CACNG8: variants seen among roughly 807,000 people sequenced by gnomAD.
The protein encoded by CACNG8 is calcium voltage-gated channel auxiliary subunit gamma 8.
Under a neutral mutation model 26.9 loss-of-function variants are expected in CACNG8, and 5 were observed. The ratio of observed to expected loss-of-function variants is 0.19; its 90% confidence interval spans 0.10 to 0.39. The LOEUF is 0.39. Among genes scored for constraint, CACNG8 ranks in the 10% least tolerant of loss-of-function variants. CACNG8 has a pLI of 1.00. For synonymous variants in CACNG8, 321 were observed against 296.7 expected (o/e 1.08, Z -0.84); for missense variants, 473 against 609.4 (o/e 0.78, Z 2.36).
intron 3 of CACNG8, 78 bp downstream of exon 3, chr19:53,980,085 T>TGCGC (rs1555815539): frequency 1.0e-4 from 106 of 1,012,126 alleles, no homozygotes; most frequent in African/African-American, 4.2e-4. Context: ...TGTGTGTGTG[T>TGCGC]GCGCGCGCGC....
At chr19:53,980,975 G>A (rs1313244342) in intron 3 of CACNG8, among the ~76,000 whole-genome samples, 1 of 152,044 alleles carries the variant, frequency 6.6e-6, no homozygotes, top group East Asian at 1.9e-4. Context: ...AAAGGCCGGA[G>A]TAGCTGGACC....
chr19:53,965,776 G>A (rs954718918), intron 1 of CACNG8, among the ~76,000 whole-genome samples: 4 of 151,484 alleles, frequency 2.6e-5, no homozygotes, highest in Non-Finnish European at 5.9e-5. Flanking sequence ...AGGACAAGGA[G>A]TTGGGGGAGG....
Position 53,963,239 on chromosome 19 carries a change from G to T in CACNG8, c.97G>T (p.Gly33Cys). Residue 33 changes from glycine (G) to cysteine (C), a missense_variant, in exon 1 of 4, where the codon GGC becomes TGC. Physicochemically the swap from Gly to Cys is radical, Grantham distance 159. Coordinates refer to ENST00000270458, the MANE Select transcript of CACNG8 (RefSeq NM_031895.6). The stretch of plus-strand genomic sequence containing the variant: ...GACGGTGGGCGCCTTCGCCGCCTTC[G>T]GCCTCATGACCATCGCCATCAGCAC... 1 of 1,609,382 alleles carries T rather than the reference G, an allele frequency of 6.2e-7. No individual in the cohort carries two copies.
chr19:53,980,633 A>G (rs1358483680), intron 3 of CACNG8, among the ~76,000 whole-genome samples: 1 of 152,110 alleles, frequency 6.6e-6, no homozygotes, highest in Admixed American at 6.5e-5. Context: ...GGAAAAGCCA[A>G]AGGGGGAGGG....
chr19:53,982,545 CCGG>C lies in CACNG8; in HGVS notation c.992_994del (p.Gly331del), dbSNP rs769981108. On this transcript the variant is annotated inframe_deletion, in exon 4 of 4. Transcript: ENST00000270458. The surrounding 1 kb of genome is among the most constrained non-coding windows in gnomAD (Gnocchi z 8.4). Reference sequence around the variant, plus strand: ...AGCGTGGCCGCGGGGCTGGCGGGGGCCGGCGGCGGCGGCGGCGGCGCCGTGGGG... The same window carrying C: ...AGCGTGGCCGCGGGGCTGGCGGGGGCCGGCGGCGGCGGCGGCGCCGTGGGG... The C allele has an allele frequency of 4.2e-4, 503 of 1,211,642 alleles. No individual in the cohort carries two copies. Among genetic ancestry groups the C allele is most frequent in the East Asian group, 9.5e-4 (28 of 29,542 alleles). 75.1% of individuals were successfully genotyped at this position (1,211,642 alleles called of 1,614,324 possible).
At chr19:53,973,273 G>A (rs2069312663) in intron 1 of CACNG8, among the ~76,000 whole-genome samples, 1 of 152,218 alleles carries the variant, frequency 6.6e-6, no homozygotes, top group Non-Finnish European at 1.5e-5. Context: ...TGTAATCCCA[G>A]CACTTTGGGA....
chr19:53,965,008 C>T lies in CACNG8; in HGVS notation c.283+1583C>T, dbSNP rs142617235. ...CTGAGTGTTCACGACAAGCCGGGAA[C>T]GTTATCTCGTTTAATCCTATGAGGT... On this transcript the variant is annotated intron_variant, in intron 1 of 3. Coordinates refer to ENST00000270458, the MANE Select transcript of CACNG8 (RefSeq NM_031895.6). Among the ~76,000 whole-genome samples, 53 of 152,256 alleles carry T rather than the reference C, an allele frequency of 3.5e-4. 1 individual carries two copies. Among genetic ancestry groups the T allele is most frequent in the East Asian group, 2.9e-3 (15 of 5,178 alleles).
At chr19:53,980,929 G>C (rs988812599) in intron 3 of CACNG8, among the ~76,000 whole-genome samples, 1 of 152,174 alleles carries the variant, frequency 6.6e-6, no homozygotes, top group African/African-American at 2.4e-5. Flanking sequence ...TTGGGGATGG[G>C]TCTAGATCTG....
chr19:53,964,317 C>T (rs2069260551), intron 1 of CACNG8, among the ~76,000 whole-genome samples: 1 of 151,792 alleles, frequency 6.6e-6, no homozygotes, highest in South Asian at 2.1e-4. Flanking sequence ...CCTGAAACTT[C>T]GTGCCTTAAC....
chr19:53,969,748 A>C (rs1005195783), intron 1 of CACNG8, among the ~76,000 whole-genome samples: 1 of 152,154 alleles, frequency 6.6e-6, no homozygotes, highest in African/African-American at 2.4e-5. Flanking sequence ...AGTGTGTCTG[A>C]GAGATGCAGT....
chr19:53,972,669 CCTAA>C (rs1246855223), intron 1 of CACNG8, among the ~76,000 whole-genome samples: 1 of 152,048 alleles, frequency 6.6e-6, no homozygotes, highest in African/African-American at 2.4e-5. Context: ...GGCTTCTGTG[CCTAA>C]CTTTCACTGA....
intron 1 of CACNG8, among the ~76,000 whole-genome samples, chr19:53,974,143 C>T (rs1237032035): frequency 2.0e-5 from 3 of 152,176 alleles, no homozygotes; most frequent in Non-Finnish European, 4.4e-5. Context: ...TGGCAACTAC[C>T]ATGACACTTT....
intron 1 of CACNG8, among the ~76,000 whole-genome samples, chr19:53,974,000 T>C (rs940018289): frequency 1.6e-4 from 24 of 152,234 alleles, no homozygotes; most frequent in African/African-American, 5.8e-4. Context: ...TAACATAAAT[T>C]TACCATCTTC....
At chr19:53,974,321 G>T (rs934061324) in intron 1 of CACNG8, among the ~76,000 whole-genome samples, 1 of 152,174 alleles carries the variant, frequency 6.6e-6, no homozygotes, top group African/African-American at 2.4e-5. Context: ...ATATTCCATT[G>T]TATGTACATA....
rs2069406216 is a variant in CACNG8 at position 53,986,099 on chromosome 19, AGAG to A, written c.*3254_*3256del. 6.5e-6 allele frequency: 1 copy of A among 152,684 alleles called. No individual in the cohort carries two copies. Among genetic ancestry groups the A allele is most frequent in the Admixed American group, 6.6e-5 (1 of 15,234 alleles). The allele number at this position is 152,684 out of a possible 1,614,324, so 9.5% of individuals were successfully genotyped here. A position where few individuals can be genotyped will look rare whatever the true frequency, so the allele number is the denominator to read the frequency against. On this transcript the variant is annotated 3_prime_UTR_variant, in exon 4 of 4. Transcript: ENST00000270458. ...GTGATACAGAGGAGAGAGAAGAGGA[AGAG>A]GAGAGACTGACAGGTGCACAAATCA...
At chr19:53,965,219 T>C (rs1051935300) in intron 1 of CACNG8, among the ~76,000 whole-genome samples, 3 of 152,142 alleles carry the variant, frequency 2.0e-5, no homozygotes, top group Non-Finnish European at 4.4e-5. Context: ...TCTGAATCCA[T>C]TGCCAACAGT....
In CACNG8 at chr19:53,980,024, G is replaced by A; in HGVS notation, c.508+17G>A. 1 of 1,592,206 alleles carries A rather than the reference G, an allele frequency of 6.3e-7. No individual in the cohort carries two copies. The highest frequency in any genetic ancestry group is 8.6e-7 in the Non-Finnish European group (1 of 1,169,362). On this transcript the variant is annotated intron_variant, in intron 3 of 3. Transcript: ENST00000270458. ...TGGCAGCAGGTGAGAGGCAGAGGGA[G>A]GGGGCGACCGGGGCGGCCCACCTGG...
intron 1 of CACNG8, among the ~76,000 whole-genome samples, chr19:53,970,422 C>T (rs773615626): frequency 2.0e-5 from 3 of 150,250 alleles, no homozygotes; most frequent in African/African-American, 7.4e-5. Context: ...GTCAGGAGTT[C>T]GAGTCCAGCC....
At chr19:53,976,354 CA>C (rs2069330307) in intron 1 of CACNG8, among the ~76,000 whole-genome samples, 1 of 152,016 alleles carries the variant, frequency 6.6e-6, no homozygotes, top group African/African-American at 2.4e-5. Flanking sequence ...GACCCTGTCT[CA>C]AAGAATAAAA....
Sources: allele counts gnomAD v4.1 joint callset (sites outside exome capture counted in the v4.1 genomes callset), GRCh38; gene constraint gnomAD v4.1.1; non-coding constraint Gnocchi (gnomAD v3.1); transcripts MANE v1.5; gene names NCBI Gene and HGNC (gene_info 2026-07-23, HGNC 2026-07-21).